JAK1: variants seen among roughly 807,000 people sequenced by gnomAD.
JAK1 encodes the protein tyrosine-protein kinase JAK1.
A neutral mutation model predicts 136.6 loss-of-function variants in JAK1; 16 were observed. The ratio of observed to expected loss-of-function variants is 0.12; its 90% confidence interval spans 0.08 to 0.18. The LOEUF (loss-of-function observed/expected upper bound fraction) is 0.18. JAK1 is among the 10% of genes least tolerant of loss of function. JAK1 has a pLI of 1.00. For synonymous variants in JAK1, 492 were observed against 519.5 expected (o/e 0.95, Z 0.72); for missense variants, 859 against 1,450.1 (o/e 0.59, Z 6.62).
chr1:64,837,105 T>C (rs2780891), intron 22 of JAK1, among the ~76,000 whole-genome samples: 54,657 of 152,054 alleles, frequency 0.36, 12,101 homozygotes, highest in African/African-American at 0.63. Context: ...TTCTTCTGAA[T>C]ACTCACGACT....
At chr1:64,913,641 G>GAGGGAGGAAGGGAGGAAGGAAGGA (rs1645325598) in intron 1 of JAK1, among the ~76,000 whole-genome samples, 4 of 56,836 alleles carry the variant, frequency 7.0e-5, no homozygotes, top group Admixed American at 6.6e-4. Flanking sequence ...GGGAGGAAGG[G>GAGGGAGGAAGGGAGGAAGGAAGGA]AGGAAGGAAG....
intron 5 of JAK1, among the ~76,000 whole-genome samples, chr1:64,871,672 T>C (rs1657082118): frequency 6.6e-6 from 1 of 152,242 alleles, no homozygotes; most frequent in Non-Finnish European, 1.5e-5. Context: ...CCTCAAATTC[T>C]CTCAGCTTCC....
upstream of JAK1, among the ~76,000 whole-genome samples, chr1:64,966,909 C>T (rs1646396625): frequency 6.6e-6 from 1 of 152,016 alleles, no homozygotes; most frequent in Non-Finnish European, 1.5e-5. Context: ...GAAATGCATC[C>T]CGCCTCCTCC....
Position 65,029,483 on chromosome 1 carries a change from A to C in JAK1, c.-78+14997T>G, listed in dbSNP as rs1647005027. 2.6e-5 allele frequency among the ~76,000 whole-genome samples: 4 copies of C among 152,252 alleles called. No individual in the cohort carries two copies. In the South Asian group the frequency reaches 8.3e-4, roughly 31 times the overall value. On this transcript the variant is annotated intron_variant, in intron 2 of 25. Coordinates refer to the JAK1 transcript ENST00000671954. Reference sequence around the variant, plus strand: ...ACTGGGTATATACCCAAAGGAATACAAATCGTTCTATCATAAAGATATATT... The same window carrying C: ...ACTGGGTATATACCCAAAGGAATACCAATCGTTCTATCATAAAGATATATT...
chr1:64,974,909 TTTG>T (rs1175772561), intron 2 of JAK1, among the ~76,000 whole-genome samples: 1 of 152,062 alleles, frequency 6.6e-6, no homozygotes, highest in Non-Finnish European at 1.5e-5. Flanking sequence ...TGTTTTGTTT[TTTG>T]TTTTTTGTTT....
intron 4 of JAK1, among the ~76,000 whole-genome samples, chr1:64,874,912 GAGCAACCGGTCAGGTCCAGC>G (rs1657303796): frequency 6.6e-6 from 1 of 152,122 alleles, no homozygotes; most frequent in Non-Finnish European, 1.5e-5. Flanking sequence ...CTGTCTCTGG[GAGCAACCGGTCAGGTCCAGC>G]AGCAACTATC....
intron 9 of JAK1, among the ~76,000 whole-genome samples, chr1:64,858,281 TC>T (rs1410754311): frequency 6.6e-6 from 1 of 152,174 alleles, no homozygotes; most frequent in Admixed American, 6.5e-5. Context: ...TTTCTTTGTA[TC>T]CCCAGGACCA....
chr1:64,896,174 A>C (rs1445948759), intron 1 of JAK1, among the ~76,000 whole-genome samples: 1 of 152,250 alleles, frequency 6.6e-6, no homozygotes. Flanking sequence ...GCACATAGGA[A>C]GGCAGTCTCA....
intron 2 of JAK1, among the ~76,000 whole-genome samples, chr1:65,011,456 C>G (rs988908202): frequency 1.3e-5 from 2 of 152,006 alleles, no homozygotes; most frequent in Non-Finnish European, 2.9e-5. Flanking sequence ...TCTCAAAAAA[C>G]AAACAAACAA....
chr1:64,906,873 G>A (rs1011006606), intron 1 of JAK1, among the ~76,000 whole-genome samples: 5 of 152,120 alleles, frequency 3.3e-5, no homozygotes, highest in East Asian at 1.9e-4. Context: ...AAGGAAAAAC[G>A]GAGGAGTGTA....
At chr1:64,980,073 C>T (rs1232288375) in intron 2 of JAK1, among the ~76,000 whole-genome samples, 2 of 152,018 alleles carry the variant, frequency 1.3e-5, no homozygotes, top group East Asian at 1.9e-4. Flanking sequence ...ATCTACTATA[C>T]GTCAGACACT....
intron 2 of JAK1, chr1:65,003,788 CTCTG>C (rs1246455030): frequency 6.6e-6 from 1 of 152,132 alleles, no homozygotes; most frequent in Admixed American, 6.6e-5. Flanking sequence ...ACTCCACTCC[CTCTG>C]TCTACGCATC....
intron 1 of JAK1, among the ~76,000 whole-genome samples, chr1:64,952,856 C>T (rs951782299): frequency 2.6e-5 from 4 of 152,170 alleles, no homozygotes; most frequent in African/African-American, 9.7e-5. Flanking sequence ...AACACACATT[C>T]TCATTTAATT....
intron 2 of JAK1, among the ~76,000 whole-genome samples, chr1:65,014,439 G>T (rs1490274323): frequency 6.6e-6 from 1 of 151,042 alleles, no homozygotes; most frequent in African/African-American, 2.4e-5. Flanking sequence ...AGAGAGAATG[G>T]GAGGGAGGGA....
chr1:64,974,280 C>G (rs1326631617), intron 2 of JAK1: 1 of 152,244 alleles, frequency 6.6e-6, no homozygotes, highest in East Asian at 1.9e-4. Context: ...AAGATGTCAA[C>G]TTCACTCTCA....
At chr1:65,024,666 A>G (rs1395657786) in intron 2 of JAK1, among the ~76,000 whole-genome samples, 1 of 150,586 alleles carries the variant, frequency 6.6e-6, no homozygotes, top group Non-Finnish European at 1.5e-5. Context: ...AAAGCAAAAA[A>G]AAAAAAAAAA....
intron 17 of JAK1, among the ~76,000 whole-genome samples, chr1:64,843,279 G>T (rs1655022340): frequency 6.6e-6 from 1 of 152,174 alleles, no homozygotes; most frequent in Non-Finnish European, 1.5e-5. Context: ...AGCCGAAACT[G>T]ATGCCTGCCC....
At chr1:64,864,715 T>G (rs1656584236) in intron 8 of JAK1, 72 bp downstream of exon 8, 6 of 1,202,294 alleles carry the variant, frequency 5.0e-6, no homozygotes, top group Non-Finnish European at 7.1e-6. Flanking sequence ...AATCATGTGC[T>G]GCAGAACGGA....
intron 4 of JAK1, among the ~76,000 whole-genome samples, chr1:64,875,281 G>A (rs1416839284): frequency 6.6e-6 from 1 of 152,224 alleles, no homozygotes; most frequent in Admixed American, 6.5e-5. Flanking sequence ...TACAGAGCCT[G>A]GACCATGCAA....
Sources: allele counts gnomAD v4.1 joint callset (sites outside exome capture counted in the v4.1 genomes callset), GRCh38; gene constraint gnomAD v4.1.1; transcripts MANE v1.5; gene names NCBI Gene and HGNC (gene_info 2026-07-23, HGNC 2026-07-21).